Variants in DLG2 observed in about 807,000 individuals in gnomAD.
The protein encoded by DLG2 is disks large homolog 2.
A neutral mutation model predicts 132.5 loss-of-function variants in DLG2; 45 were observed. The ratio of observed to expected loss-of-function variants is 0.34; its 90% confidence interval spans 0.27 to 0.44. DLG2 has a LOEUF of 0.44. Ranked by LOEUF, DLG2 falls within the 20% of genes least tolerant of loss-of-function variation. The pLI is 1.00. For synonymous variants in DLG2, 424 were observed against 419.6 expected, an observed-to-expected ratio of 1.01 and a Z score of -0.13; for missense variants, 1,045 against 1,196.9, an observed-to-expected ratio of 0.87 and a Z score of 1.87.
At chr11:83,487,118 T>A (rs2093567384) in intron 21 of DLG2, among the ~76,000 whole-genome samples, 1 of 152,074 alleles carries the variant, frequency 6.6e-6, no homozygotes, top group African/African-American at 2.4e-5. Context: ...CTATTCTCAA[T>A]TATACTTGAT....
chr11:83,874,011 G>C (rs1031034204), intron 16 of DLG2, among the ~76,000 whole-genome samples: 4 of 152,042 alleles, frequency 2.6e-5, no homozygotes, highest in Non-Finnish European at 5.9e-5. Flanking sequence ...AATCTTGTTT[G>C]ACTTATTAAA....
At chr11:85,511,015 A>G (rs1477715902) in intron 3 of DLG2, among the ~76,000 whole-genome samples, 2 of 152,156 alleles carry the variant, frequency 1.3e-5, no homozygotes, top group Non-Finnish European at 2.9e-5. Flanking sequence ...AATGTGGCAC[A>G]TATACACCAT....
intron 18 of DLG2, chr11:83,648,183 A>T (rs2068845406): frequency 6.6e-6 from 1 of 152,136 alleles, no homozygotes; most frequent in South Asian, 2.1e-4. Flanking sequence ...AAGAAAATAG[A>T]CAGTAAGTTT....
intron 7 of DLG2, among the ~76,000 whole-genome samples, chr11:84,533,963 G>T (rs553117153): frequency 7.1e-6 from 1 of 139,936 alleles, no homozygotes; most frequent in African/African-American, 2.7e-5. Flanking sequence ...CAGCCAAGGG[G>T]CATAGAAAAG....
intron 10 of DLG2, among the ~76,000 whole-genome samples, chr11:84,068,939 C>T (rs2096717211): frequency 6.6e-6 from 1 of 152,150 alleles, no homozygotes; most frequent in Non-Finnish European, 1.5e-5. Context: ...ATCTACACTT[C>T]TCTGGTTTGT....
chr11:85,126,232 G>A (rs961256719), intron 5 of DLG2, among the ~76,000 whole-genome samples: 1 of 152,150 alleles, frequency 6.6e-6, no homozygotes, highest in Non-Finnish European at 1.5e-5. Flanking sequence ...AACATTCTTG[G>A]AGTGTAAAAT....
chr11:85,313,874 T>C (rs904697789), intron 3 of DLG2, among the ~76,000 whole-genome samples: 20 of 151,894 alleles, frequency 1.3e-4, no homozygotes, highest in East Asian at 3.8e-4. Flanking sequence ...GCAAAACTCA[T>C]TGGGTCTCTC....
chr11:84,392,284 A>G (rs780187391), intron 7 of DLG2, among the ~76,000 whole-genome samples: 17 of 152,162 alleles, frequency 1.1e-4, no homozygotes, highest in Non-Finnish European at 2.2e-4. Flanking sequence ...AATGCCTACT[A>G]CAAAGCCAGA....
chr11:85,117,038 C>G (rs565830007), intron 5 of DLG2, among the ~76,000 whole-genome samples: 178 of 152,070 alleles, frequency 1.2e-3, no homozygotes, highest in Non-Finnish European at 1.8e-3. Context: ...AGTGAGATAA[C>G]GTGGCAAATT....
intron 3 of DLG2, among the ~76,000 whole-genome samples, chr11:85,478,966 C>T (rs2153086573): frequency 1.3e-5 from 2 of 152,138 alleles, no homozygotes; most frequent in Admixed American, 1.3e-4. Flanking sequence ...GGTCTTTGAG[C>T]AGAAAAACTT....
intron 6 of DLG2, among the ~76,000 whole-genome samples, chr11:85,060,779 A>G (rs1352583560): frequency 1.3e-5 from 2 of 151,684 alleles, no homozygotes; most frequent in Admixed American, 6.6e-5. Flanking sequence ...CAGGTTCACT[A>G]TCTTACATTC....
At chr11:83,739,793 A>C (rs111523504) in intron 18 of DLG2, among the ~76,000 whole-genome samples, 15,289 of 152,208 alleles carry the variant, frequency 0.1, 1,187 homozygotes, top group African/African-American at 0.21. Flanking sequence ...ACCTCAGGGT[A>C]CACCACAGTA....
At chr11:84,407,307 C>T (rs553447106) in intron 7 of DLG2, among the ~76,000 whole-genome samples, 3 of 152,112 alleles carry the variant, frequency 2.0e-5, no homozygotes, top group Admixed American at 1.3e-4. Context: ...CCCTGCTAAT[C>T]CCTGACAGAC....
intron 18 of DLG2, among the ~76,000 whole-genome samples, chr11:83,640,569 G>A (rs1471346403): frequency 6.6e-6 from 1 of 152,152 alleles, no homozygotes; most frequent in East Asian, 1.9e-4. Context: ...TTTCTTCAGG[G>A]TTTATTACAT....
At chr11:84,087,514 T>A (rs73513787) in intron 10 of DLG2, among the ~76,000 whole-genome samples, 215 of 152,342 alleles carry the variant, frequency 1.4e-3, no homozygotes, top group African/African-American at 4.8e-3. Context: ...TCAAGAAATT[T>A]ATGTCCCAAT....
chr11:83,486,628 G>A (rs2093528432), intron 21 of DLG2, among the ~76,000 whole-genome samples: 1 of 151,944 alleles, frequency 6.6e-6, no homozygotes, highest in African/African-American at 2.4e-5. Flanking sequence ...CATCTGATTG[G>A]GACATAATAC....
chr11:84,946,855 G>C (rs2050270148), intron 6 of DLG2, among the ~76,000 whole-genome samples: 4 of 152,192 alleles, frequency 2.6e-5, no homozygotes, highest in Admixed American at 2.6e-4. Flanking sequence ...GAGCCCTTTA[G>C]CATGCAATGG....
At chr11:84,330,011 C>A (rs3901448) in intron 7 of DLG2, among the ~76,000 whole-genome samples, 1 of 152,060 alleles carries the variant, frequency 6.6e-6, no homozygotes, top group East Asian at 1.9e-4. Flanking sequence ...TAAGCTTTCA[C>A]ACCAATCTCA....
At chr11:84,436,639 T>A (rs2099001633) in intron 7 of DLG2, among the ~76,000 whole-genome samples, 1 of 152,202 alleles carries the variant, frequency 6.6e-6, no homozygotes, top group African/African-American at 2.4e-5. Flanking sequence ...GAATTAGAGA[T>A]GTAAGCTATC....
Sources: allele counts gnomAD v4.1 joint callset (sites outside exome capture counted in the v4.1 genomes callset), GRCh38; gene constraint gnomAD v4.1.1; transcripts MANE v1.5; gene names NCBI Gene and HGNC (gene_info 2026-07-23, HGNC 2026-07-21).